Variants in GPHN observed in about 807,000 individuals in gnomAD.
GPHN encodes the protein gephyrin.
Under a neutral mutation model 95.5 loss-of-function variants are expected in GPHN, and 17 were observed. The observed-to-expected ratio is 0.18, with a 90% CI of 0.12 to 0.27. The LOEUF is 0.27. GPHN is among the 10% of genes least tolerant of loss of function. The pLI is 1.00. For missense variants in GPHN, 660 were observed against 978.1 expected (o/e 0.67, Z 4.34); for synonymous variants, 320 against 322.5 (o/e 0.99, Z 0.08).
chr14:66,700,323 C>T (rs1253806955), intron 2 of GPHN, among the ~76,000 whole-genome samples: 2 of 152,094 alleles, frequency 1.3e-5, no homozygotes, highest in Admixed American at 1.3e-4. Context: ...GACACACATA[C>T]TGGAATTTCT....
Position 66,852,324 on chromosome 14 carries a change from A to T in GPHN, c.295-27615A>T, listed in dbSNP as rs116344702. 7.0e-3 allele frequency among the ~76,000 whole-genome samples: 1,069 copies of T among 152,304 alleles called. 4 individuals carry two copies. Among genetic ancestry groups the T allele is most frequent in the African/African-American group, 0.025 (1,021 of 41,566 alleles). The stretch of plus-strand genomic sequence containing the variant: ...TTCTCTTTTGTTGTTTCAGGATATC[A>T]CTCATGGTACATTTTGCCACTATTA... On this transcript the variant is annotated intron_variant, in intron 4 of 22. Coordinates refer to ENST00000478722, the MANE Select transcript of GPHN (RefSeq NM_020806.5).
the GPHN span, among the ~76,000 whole-genome samples, chr14:67,631,674 C>T: frequency 1.3e-5 from 2 of 152,118 alleles, no homozygotes; most frequent in African/African-American, 4.8e-5. Flanking sequence ...TCATGTGATC[C>T]TCCTGCCTTG....
the GPHN span, among the ~76,000 whole-genome samples, chr14:67,323,232 C>CGTGCGTGTGTGT: frequency 7.0e-6 from 1 of 143,592 alleles, no homozygotes; most frequent in African/African-American, 2.6e-5. Flanking sequence ...CATATATACA[C>CGTGCGTGTGTGT]GTGTGTGTGT....
At chr14:67,333,765 GTA>G in the GPHN span, 2 of 152,496 alleles carry the variant, frequency 1.3e-5, no homozygotes, top group African/African-American at 4.8e-5. Context: ...ATAATAGAAT[GTA>G]TGTTACATTT....
At chr14:67,048,645 A>T (rs2075151009) in intron 10 of GPHN, among the ~76,000 whole-genome samples, 1 of 152,198 alleles carries the variant, frequency 6.6e-6, no homozygotes, top group Admixed American at 6.5e-5. Context: ...CCAACTCTCA[A>T]ATAAAAATCC....
the GPHN span, among the ~76,000 whole-genome samples, chr14:67,262,410 G>A: frequency 6.6e-6 from 1 of 151,992 alleles, no homozygotes; most frequent in African/African-American, 2.4e-5. Flanking sequence ...CCTATTTTAA[G>A]GTTCCATAAT....
intron 4 of GPHN, among the ~76,000 whole-genome samples, chr14:66,861,120 G>A (rs936599764): frequency 6.6e-6 from 1 of 151,924 alleles, no homozygotes; most frequent in East Asian, 1.9e-4. Context: ...AAGACTCAAT[G>A]TTCTGTTACC....
At chr14:66,768,974 TAGAC>T (rs765121821) in intron 2 of GPHN, among the ~76,000 whole-genome samples, 10 of 152,102 alleles carry the variant, frequency 6.6e-5, no homozygotes, top group Non-Finnish European at 1.0e-4. Context: ...AAGAACATTT[TAGAC>T]AGTGTGTAGA....
chr14:67,327,940 T>G, the GPHN span, among the ~76,000 whole-genome samples: 4,628 of 152,304 alleles, frequency 0.03, 89 homozygotes, highest in Non-Finnish European at 0.036. Context: ...CTGCAGTCAA[T>G]GTACGTGTGC....
intron 14 of GPHN, 55 bp downstream of exon 14, chr14:67,110,314 CA>C: frequency 6.3e-7 from 1 of 1,592,914 alleles, no homozygotes; most frequent in Non-Finnish European, 8.6e-7. Context: ...TATTATGTCA[CA>C]ACCATTTTCT....
intron 21 of GPHN, among the ~76,000 whole-genome samples, chr14:67,173,011 C>G (rs1257684390): frequency 6.6e-6 from 1 of 152,196 alleles, no homozygotes; most frequent in Non-Finnish European, 1.5e-5. Flanking sequence ...GGAGTCAGGC[C>G]AGAGCTGTGC....
At chr14:66,820,692 T>A (rs910672744) in intron 3 of GPHN, among the ~76,000 whole-genome samples, 1 of 152,120 alleles carries the variant, frequency 6.6e-6, no homozygotes, top group African/African-American at 2.4e-5. Context: ...CTCTTTGGAG[T>A]CCAGAGTAGC....
At chr14:67,144,959 A>G (rs188836047) in intron 18 of GPHN, among the ~76,000 whole-genome samples, 18 of 152,316 alleles carry the variant, frequency 1.2e-4, no homozygotes, top group East Asian at 9.6e-4. Context: ...GTGTTCCCTC[A>G]AAGTCTCCCA....
intron 1 of GPHN, among the ~76,000 whole-genome samples, chr14:66,555,357 A>G (rs1282767109): frequency 1.3e-5 from 2 of 152,198 alleles, no homozygotes; most frequent in African/African-American, 2.4e-5. Flanking sequence ...ATGCTTATCA[A>G]TAGGCAAATG....
chr14:66,560,625 C>T (rs992132040), intron 1 of GPHN, among the ~76,000 whole-genome samples: 2 of 152,170 alleles, frequency 1.3e-5, no homozygotes, highest in Non-Finnish European at 2.9e-5. Context: ...TGCTTATCAG[C>T]TTAAGGAGAT....
chr14:66,991,572 A>G (rs1053060975), intron 9 of GPHN, among the ~76,000 whole-genome samples: 1 of 151,908 alleles, frequency 6.6e-6, no homozygotes, highest in Non-Finnish European at 1.5e-5. Context: ...TAAAAATATT[A>G]AATATGAAGT....
chr14:66,675,867 A>T (rs1007782027), intron 1 of GPHN, among the ~76,000 whole-genome samples: 1 of 152,034 alleles, frequency 6.6e-6, no homozygotes. Flanking sequence ...TCTTTTTAGC[A>T]GGTATTGACT....
chr14:66,866,057 A>G (rs570395780), intron 4 of GPHN, among the ~76,000 whole-genome samples: 9 of 152,262 alleles, frequency 5.9e-5, no homozygotes, highest in Non-Finnish European at 1.3e-4. Context: ...TGGTGCCAGT[A>G]GATACAACCA....
chr14:67,647,954 A>C, the GPHN span: 1 of 1,264,224 alleles, frequency 7.9e-7, no homozygotes. Context: ...AATAGCAACA[A>C]AATCAAGGAG....
Sources: allele counts gnomAD v4.1 joint callset (sites outside exome capture counted in the v4.1 genomes callset), GRCh38; gene constraint gnomAD v4.1.1; transcripts MANE v1.5; gene names NCBI Gene and HGNC (gene_info 2026-07-23, HGNC 2026-07-21).